GSG1L: variants seen among roughly 807,000 people sequenced by gnomAD.
The protein encoded by GSG1L is germ cell-specific gene 1-like protein.
Under a neutral mutation model 42.1 loss-of-function variants are expected in GSG1L, and 24 were observed. That is an observed-to-expected ratio of 0.57 (90% CI 0.41 to 0.80). The LOEUF (loss-of-function observed/expected upper bound fraction) is 0.80, where lower values mean the gene tolerates loss of function less well. Ranked by LOEUF, GSG1L falls within the 30% of genes least tolerant of loss-of-function variation. The probability of loss-of-function intolerance (pLI) is 0.00; values close to 1 mark genes in which losing one functional copy is unlikely to be tolerated. For synonymous variants in GSG1L, 215 were observed against 203.5 expected, an observed-to-expected ratio of 1.06 and a Z score of -0.48; for missense variants, 445 against 472.2, an observed-to-expected ratio of 0.94 and a Z score of 0.53.
chr16:27,828,874 G>T lies in GSG1L; in HGVS notation c.745C>A (p.Arg249=). 6.2e-7 allele frequency: 1 copy of T among 1,614,168 alleles called. No individual in the cohort carries two copies. The highest frequency in any genetic ancestry group is 8.5e-7 in the Non-Finnish European group (1 of 1,180,020). Residue 249 remains arginine, a synonymous_variant, in exon 5 of 7, where the codon CGG becomes AGG. Coordinates refer to ENST00000447459, the MANE Select transcript of GSG1L (RefSeq NM_001109763.2). The part of the protein sequence containing the change: ...NSYTKTVIEF[R]HKRKVFEQGY... ...TGCTCAAAGACCTTGCGCTTGTGCC[G>T]GAACTCAATGACCGTCTTGGTGTAG...
intron 1 of GSG1L, among the ~76,000 whole-genome samples, chr16:28,036,005 G>C (rs1471938229): frequency 6.6e-6 from 1 of 152,136 alleles, no homozygotes; most frequent in Non-Finnish European, 1.5e-5. Context: ...CCAAGAGTGA[G>C]GCAGGAGTGG....
intron 1 of GSG1L, among the ~76,000 whole-genome samples, chr16:27,974,210 AGAG>A (rs1363534424): frequency 6.6e-6 from 1 of 152,168 alleles, no homozygotes; most frequent in Non-Finnish European, 1.5e-5. Flanking sequence ...TCAGATTCCA[AGAG>A]GAGAAGATGT....
At chr16:27,894,990 G>A (rs1311216155) in intron 2 of GSG1L, among the ~76,000 whole-genome samples, 1 of 152,122 alleles carries the variant, frequency 6.6e-6, no homozygotes, top group East Asian at 1.9e-4. Flanking sequence ...TGGCTCCACT[G>A]TACATCAGCA....
intron 2 of GSG1L, among the ~76,000 whole-genome samples, chr16:27,903,082 T>C (rs1448226893): frequency 6.7e-6 from 1 of 150,054 alleles, no homozygotes; most frequent in Non-Finnish European, 1.5e-5. Context: ...GTCCCAGGGG[T>C]TTCTGGAGGA....
chr16:27,870,403 A>ATCTCTCTCTCCT (rs1199478493), intron 3 of GSG1L, among the ~76,000 whole-genome samples: 2 of 109,452 alleles, frequency 1.8e-5, no homozygotes, highest in African/African-American at 7.3e-5. Flanking sequence ...GTCTCCCTCC[A>ATCTCTCTCTCCT]TCTCTCTCTC....
At chr16:27,867,856 A>C (rs1041939828) in intron 3 of GSG1L, among the ~76,000 whole-genome samples, 11 of 151,952 alleles carry the variant, frequency 7.2e-5, no homozygotes, top group Admixed American at 1.3e-4. Context: ...CTCAAAGTCC[A>C]GCTTTCCGGC....
chr16:27,903,150 G>C (rs1050848735), intron 2 of GSG1L, among the ~76,000 whole-genome samples: 1 of 152,140 alleles, frequency 6.6e-6, no homozygotes, highest in African/African-American at 2.4e-5. Context: ...ACGAGACCCA[G>C]GGGGCGGGAG....
chr16:27,814,055 A>G (rs889701938), intron 5 of GSG1L, among the ~76,000 whole-genome samples: 1 of 152,178 alleles, frequency 6.6e-6, no homozygotes, highest in Non-Finnish European at 1.5e-5. Flanking sequence ...CATGTTCACT[A>G]CTGCTATCTT....
Position 27,962,054 on chromosome 16 carries a change from G to A in GSG1L, c.397+1102C>T, listed in dbSNP as rs1284018319. 2.0e-5 allele frequency among the ~76,000 whole-genome samples: 3 copies of A among 152,152 alleles called. No individual in the cohort carries two copies. The East Asian group carries it at 5.8e-4, about 29-fold the overall frequency. On this transcript the variant is annotated intron_variant, in intron 2 of 6. Transcript: ENST00000447459. ...CCCTCTCTTAATCTCCAGGCTATCT[G>A]AAGAGACATGCATACCTGTTTCACT... is the stretch of plus-strand genomic sequence containing the variant.
At chr16:27,825,832 C>A (rs985279141) in intron 5 of GSG1L, among the ~76,000 whole-genome samples, 1 of 152,176 alleles carries the variant, frequency 6.6e-6, no homozygotes, top group Non-Finnish European at 1.5e-5. Flanking sequence ...CTTTGCTCGG[C>A]ATTTCTCCTT....
intron 1 of GSG1L, among the ~76,000 whole-genome samples, chr16:28,035,651 G>C (rs1228767095): frequency 6.6e-6 from 1 of 152,196 alleles, no homozygotes; most frequent in African/African-American, 2.4e-5. Context: ...CTTAACAGCA[G>C]CTCAAGTCAT....
At chr16:27,845,198 G>A (rs936897799) in intron 3 of GSG1L, 137 bp from the exon 4 acceptor site, 2 of 574,818 alleles carry the variant, frequency 3.5e-6, no homozygotes, top group African/African-American at 3.7e-5. Context: ...GGTAAGGGAG[G>A]TCAGCAGGAA....
chr16:27,884,340 C>A lies in GSG1L; in HGVS notation c.550+146G>T. 1 of 720,128 alleles carries A rather than the reference C, an allele frequency of 1.4e-6. No individual in the cohort carries two copies. The highest frequency in any genetic ancestry group is 2.2e-6 in the Non-Finnish European group (1 of 450,490). The allele number at this position is 720,128 out of a possible 1,614,324, so 44.6% of individuals were successfully genotyped here. A position where few individuals can be genotyped will look rare whatever the true frequency, so the allele number is the denominator to read the frequency against. On this transcript the variant is annotated intron_variant, in intron 3 of 6. Transcript: ENST00000447459. The surrounding 1 kb of genome is among the most constrained non-coding windows in gnomAD (Gnocchi z 4.4). ...AGATGCTCAGTCAATATGCATTGGT[C>A]ATTTTTTACAAACGATAAAACTGAG...
At chr16:28,024,210 A>G (rs1258778082) in intron 1 of GSG1L, among the ~76,000 whole-genome samples, 1 of 152,156 alleles carries the variant, frequency 6.6e-6, no homozygotes, top group Non-Finnish European at 1.5e-5. Flanking sequence ...CGATGCCCCC[A>G]GGGTTCACAA....
rs142434117 is a variant in GSG1L at position 27,828,945 on chromosome 16, C to A, written c.674G>T (p.Gly225Val). The A allele has an allele frequency of 7.4e-6, 12 of 1,613,934 alleles. No homozygotes were observed. Among genetic ancestry groups the A allele is most frequent in the Non-Finnish European group, 1.0e-5 (12 of 1,179,954 alleles). ...DYGWSFCLAW[G>V]SFTCCMAASV... ...GGCTGCCATGCAGCAGGTAAAGGAG[C>A]CCCACGCCAGGCTGCCAAGAGATCA... The change falls in exon 5 of 7, where the codon GGC (glycine) becomes GTC (valine). Residue 225 changes from glycine to valine, a missense_variant. By Grantham distance (109) the Gly-to-Val change is moderately radical. Transcript: ENST00000447459.
chr16:27,856,748 T>C (rs1489094507), intron 3 of GSG1L, among the ~76,000 whole-genome samples: 1 of 152,216 alleles, frequency 6.6e-6, no homozygotes, highest in Admixed American at 6.5e-5. Context: ...GAACAGTGAG[T>C]GATTTAGAGA....
intron 2 of GSG1L, among the ~76,000 whole-genome samples, chr16:27,946,579 A>AAG (rs1166800286): frequency 6.7e-4 from 25 of 37,038 alleles, no homozygotes; most frequent in East Asian, 2.4e-3. Context: ...GAAAGAAAGA[A>AAG]AGAGAGAGAG....
In GSG1L at chr16:27,946,005, C is replaced by T. The variant is rs576906728; in HGVS notation, c.397+17151G>A. 3.3e-5 allele frequency among the ~76,000 whole-genome samples: 5 copies of T among 152,354 alleles called. 1 individual carries two copies. In the South Asian group the frequency reaches 8.3e-4, roughly 25 times the overall value. On this transcript the variant is annotated intron_variant, in intron 2 of 6. Transcript: ENST00000447459. Reference sequence around the variant, plus strand: ...ACAGCTGTGAGCCAAGGGGCCTCCCCGCCAGGTCAGAACACACAGCAAAGC... The same window carrying T: ...ACAGCTGTGAGCCAAGGGGCCTCCCTGCCAGGTCAGAACACACAGCAAAGC...
At chr16:27,914,661 C>T (rs866055880) in intron 2 of GSG1L, among the ~76,000 whole-genome samples, 3 of 151,862 alleles carry the variant, frequency 2.0e-5, no homozygotes, top group South Asian at 2.1e-4. Flanking sequence ...GTAGCTGGGA[C>T]CCCAGGCACT....
Sources: gnomAD v4.1 joint callset for allele counts (sites outside exome capture counted in the v4.1 genomes callset) on GRCh38, gnomAD v4.1.1 for gene constraint, Gnocchi (gnomAD v3.1) non-coding constraint, MANE v1.5 for transcripts, NCBI Gene and HGNC (gene_info 2026-07-23, HGNC 2026-07-21) for gene names.